Variants in ST8SIA3 observed in about 807,000 individuals in gnomAD.
The protein encoded by ST8SIA3 is ST8 alpha-N-acetyl-neuraminide alpha-2,8-sialyltransferase 3.
Under a neutral mutation model 34.5 loss-of-function variants are expected in ST8SIA3, and 17 were observed. The ratio of observed to expected loss-of-function variants is 0.49; its 90% CI spans 0.34 to 0.74. ST8SIA3 has a LOEUF of 0.74. Ranked by LOEUF, ST8SIA3 falls within the 30% of genes least tolerant of loss-of-function variation. The pLI, the probability that ST8SIA3 is intolerant of heterozygous loss-of-function variation, is 0.01. For synonymous variants in ST8SIA3, 172 were observed against 176.1 expected, an observed-to-expected ratio of 0.98 and a Z score of 0.19; for missense variants, 354 against 467.8, an observed-to-expected ratio of 0.76 and a Z score of 2.24.
rs954872723 is a variant in ST8SIA3 at position 57,362,515 on chromosome 18, A to G, written c.*2238A>G. 6.6e-6 allele frequency: 1 copy of G among 152,218 alleles called. No individual in the cohort carries two copies. The highest frequency in any genetic ancestry group is 1.5e-5 in the Non-Finnish European group (1 of 68,036). The allele number at this position is 152,218 out of a possible 1,614,324, so 9.4% of individuals were successfully genotyped here. A position where few individuals can be genotyped will look rare whatever the true frequency, so the allele number is the denominator to read the frequency against. ...TAGTGGACAATTTAAATTTTATCTCATCATAATGCCAAGGATTTTTGTTTG... is the reference window on the plus strand; with the variant it reads ...TAGTGGACAATTTAAATTTTATCTCGTCATAATGCCAAGGATTTTTGTTTG... On this transcript the variant is annotated 3_prime_UTR_variant, in exon 4 of 4. Coordinates refer to ENST00000324000, the MANE Select transcript of ST8SIA3 (RefSeq NM_015879.3).
chr18:57,354,365 G>C (rs1008253614), intron 1 of ST8SIA3, 37 bp from the exon 2 acceptor site: 1 of 1,612,710 alleles, frequency 6.2e-7, no homozygotes, highest in South Asian at 1.1e-5. Flanking sequence ...CCCGAGCTGA[G>C]GCCAGCACGC....
rs745314937 is a variant in ST8SIA3, at chr18:57,352,730, G to GCGCACACA, written c.-116_-115insGCACACAC. On this transcript the variant is annotated 5_prime_UTR_variant, in exon 1 of 4. Coordinates refer to ENST00000324000, the MANE Select transcript of ST8SIA3 (RefSeq NM_015879.3). The stretch of plus-strand genomic sequence containing the variant: ...CCCCTCCTCCGCCACACGCGCGCGC[G>GCGCACACA]CTCACACACACACACACACACACAC... 3 of 179,766 alleles carry GCGCACACA rather than the reference G, an allele frequency of 1.7e-5. No individual in the cohort carries two copies. Among genetic ancestry groups the GCGCACACA allele is most frequent in the Admixed American group, 8.1e-5 (1 of 12,382 alleles). 11.1% of individuals were successfully genotyped at this position (179,766 alleles called of 1,614,324 possible). A position where few individuals can be genotyped will look rare whatever the true frequency, so the allele number is the denominator to read the frequency against.
In ST8SIA3 at chr18:57,363,799, C is replaced by T. The variant is rs914166625; in HGVS notation, c.*3522C>T. ...CTGGAAATGAAGAGGCCTTCAGCTT[C>T]GCCAGTCTTGATTCTTGACTTTACA... On this transcript the variant is annotated 3_prime_UTR_variant, in exon 4 of 4. Coordinates refer to ENST00000324000, the MANE Select transcript of ST8SIA3 (RefSeq NM_015879.3). The T allele has an allele frequency of 2.0e-5, 3 of 152,332 alleles. No homozygotes were observed. Among genetic ancestry groups the T allele is most frequent in the East Asian group, 1.9e-4 (1 of 5,180 alleles). The allele number at this position is 152,332 out of a possible 1,614,324, so 9.4% of individuals were successfully genotyped here.
Position 57,357,438 on chromosome 18 carries a change from T to A in ST8SIA3, c.828T>A (p.Ala276=). ...GAGGTCAGTTAAAAGTCCAACTGGC[T>A]TGGCCGGGAAATATAATGCAACATG... The part of the protein sequence containing the change: ...EHRGQLKVQL[A]WPGNIMQHVN... Residue 276 remains alanine, a synonymous_variant, in exon 3 of 4, where the codon GCT becomes GCA. Transcript: ENST00000324000. 1 of 1,612,574 alleles carries A rather than the reference T, an allele frequency of 6.2e-7. No homozygotes were observed. Among genetic ancestry groups the A allele is most frequent in the South Asian group, 1.1e-5 (1 of 91,068 alleles).
At position 57,360,338 on chromosome 18, in the gene ST8SIA3, G is replaced by C; in HGVS notation, c.*61G>C. The C allele has an allele frequency of 2.0e-6, 3 of 1,497,760 alleles. No homozygotes were observed. The South Asian group carries it at 3.7e-5, about 19-fold the overall frequency. The allele number at this position is 1,497,760 out of a possible 1,614,324, so 92.8% of individuals were successfully genotyped here. On this transcript the variant is annotated 3_prime_UTR_variant, in exon 4 of 4. Coordinates refer to ENST00000324000, the MANE Select transcript of ST8SIA3 (RefSeq NM_015879.3). ...AAAGTGCCCCAAATCAAATTGAATA[G>C]CCTTCAGAATAGAACCCTAGAGAAT...
In ST8SIA3 at chr18:57,367,418, C is replaced by T. The variant is rs1483329248; in HGVS notation, c.*7141C>T. 1 of 152,610 alleles carries T rather than the reference C, an allele frequency of 6.6e-6. No homozygotes were observed. Among genetic ancestry groups the T allele is most frequent in the East Asian group, 1.9e-4 (1 of 5,192 alleles). The allele number at this position is 152,610 out of a possible 1,614,324, so 9.5% of individuals were successfully genotyped here. A position where few individuals can be genotyped will look rare whatever the true frequency, so the allele number is the denominator to read the frequency against. ...GTATTCCCAATACATTGCATGCAGC[C>T]TGAGCACAAGTATGCCTTCACCCTC... On this transcript the variant is annotated 3_prime_UTR_variant, in exon 4 of 4. Coordinates refer to ENST00000324000, the MANE Select transcript of ST8SIA3 (RefSeq NM_015879.3).
chr18:57,353,152 C>A, intron 1 of ST8SIA3, 127 bp downstream of exon 1: 1 of 851,002 alleles, frequency 1.2e-6, no homozygotes, highest in Non-Finnish European at 1.8e-6. Context: ...CTGCGCGGTC[C>A]TTCCACTCCT....
chr18:57,359,266 T>C (rs916522834), intron 3 of ST8SIA3, among the ~76,000 whole-genome samples: 3 of 152,204 alleles, frequency 2.0e-5, no homozygotes, highest in African/African-American at 4.8e-5. Flanking sequence ...ATTAATATTA[T>C]TTAAATATGG....
chr18:57,360,367 T>A lies in ST8SIA3; in HGVS notation c.*90T>A. The A allele has an allele frequency of 8.0e-7, 1 of 1,248,800 alleles. No homozygotes were observed. Among genetic ancestry groups the A allele is most frequent in the Non-Finnish European group, 1.1e-6 (1 of 911,132 alleles). The allele number at this position is 1,248,800 out of a possible 1,614,324, so 77.4% of individuals were successfully genotyped here. On this transcript the variant is annotated 3_prime_UTR_variant, in exon 4 of 4. Coordinates refer to ENST00000324000, the MANE Select transcript of ST8SIA3 (RefSeq NM_015879.3). ...TCAGAATAGAACCCTAGAGAATGTC[T>A]TATAAGGATTGTCTGCCATTTAAAA...
rs1021166085 is a variant in ST8SIA3 at position 57,361,873 on chromosome 18, G to C, written c.*1596G>C. 1 of 152,282 alleles carries C rather than the reference G, an allele frequency of 6.6e-6. No homozygotes were observed. Among genetic ancestry groups the C allele is most frequent in the Non-Finnish European group, 1.5e-5 (1 of 68,026 alleles). 9.4% of individuals were successfully genotyped at this position (152,282 alleles called of 1,614,324 possible). On this transcript the variant is annotated 3_prime_UTR_variant, in exon 4 of 4. Transcript: ENST00000324000. ...TGCGACAAATAACTGTTTAAAAAAT[G>C]TGCTGTAGTTCAGTGATGAGCTCAT...
chr18:57,360,533 T>C lies in ST8SIA3; in HGVS notation c.*256T>C. On this transcript the variant is annotated 3_prime_UTR_variant, in exon 4 of 4. Transcript: ENST00000324000. ...TGGGACTATGCTGCTAACGAAATGGTTTGAAGTATTTTCATGTTTGGATTT... is the reference window on the plus strand; with the variant it reads ...TGGGACTATGCTGCTAACGAAATGGCTTGAAGTATTTTCATGTTTGGATTT... 1 of 452,050 alleles carries C rather than the reference T, an allele frequency of 2.2e-6. No homozygotes were observed. Among genetic ancestry groups the C allele is most frequent in the Non-Finnish European group, 3.9e-6 (1 of 254,366 alleles). The allele number at this position is 452,050 out of a possible 1,614,324, so 28.0% of individuals were successfully genotyped here.
Position 57,365,325 on chromosome 18 carries a change from A to G in ST8SIA3, c.*5048A>G, listed in dbSNP as rs2049854597. ...TATCATGTTAAATGGCAATATAGAC[A>G]CAGTCTTAGTGATTCAACAATTCAG... On this transcript the variant is annotated 3_prime_UTR_variant, in exon 4 of 4. Coordinates refer to ENST00000324000, the MANE Select transcript of ST8SIA3 (RefSeq NM_015879.3). The G allele has an allele frequency of 6.6e-6, 1 of 152,232 alleles. No homozygotes were observed. Among genetic ancestry groups the G allele is most frequent in the Admixed American group, 6.5e-5 (1 of 15,284 alleles). 9.4% of individuals were successfully genotyped at this position (152,232 alleles called of 1,614,324 possible). A position where few individuals can be genotyped will look rare whatever the true frequency, so the allele number is the denominator to read the frequency against.
chr18:57,355,348 T>C (rs1311987291), intron 2 of ST8SIA3, among the ~76,000 whole-genome samples: 1 of 152,214 alleles, frequency 6.6e-6, no homozygotes, highest in Non-Finnish European at 1.5e-5. Flanking sequence ...GAAGTGTGAA[T>C]ACTTATTTTA....
At chr18:57,358,852 C>G (rs1409185846) in intron 3 of ST8SIA3, among the ~76,000 whole-genome samples, 2 of 152,178 alleles carry the variant, frequency 1.3e-5, no homozygotes, top group Non-Finnish European at 2.9e-5. Context: ...ATTTTGCTCC[C>G]CTTTTGTTCA....
At chr18:57,353,090 A>G in intron 1 of ST8SIA3, 65 bp downstream of exon 1, 1 of 1,555,328 alleles carries the variant, frequency 6.4e-7, no homozygotes, top group Non-Finnish European at 8.7e-7. Flanking sequence ...GGGGAAGGGA[A>G]GGCGTGGGGG....
chr18:57,360,678 G>A lies in ST8SIA3; in HGVS notation c.*401G>A, dbSNP rs751271400. The A allele has an allele frequency of 3.8e-4, 65 of 169,488 alleles. No homozygotes were observed. The highest frequency in any genetic ancestry group is 6.9e-4 in the Non-Finnish European group (54 of 78,782). 10.5% of individuals were successfully genotyped at this position (169,488 alleles called of 1,614,324 possible). On this transcript the variant is annotated 3_prime_UTR_variant, in exon 4 of 4. Transcript: ENST00000324000. ...CTGGGGCAGGACCTGTTTTGCTGGTGGGATCAGACTCTGAAAAATGGAAAC... is the reference window on the plus strand; with the variant it reads ...CTGGGGCAGGACCTGTTTTGCTGGTAGGATCAGACTCTGAAAAATGGAAAC...
intron 2 of ST8SIA3, among the ~76,000 whole-genome samples, chr18:57,356,390 A>G (rs1446281291): frequency 6.6e-6 from 1 of 152,080 alleles, no homozygotes; most frequent in African/African-American, 2.4e-5. Context: ...TGCTATTACC[A>G]TCTTCATATT....
intron 1 of ST8SIA3, among the ~76,000 whole-genome samples, chr18:57,353,886 G>A (rs1309668185): frequency 6.6e-6 from 1 of 152,220 alleles, no homozygotes; most frequent in Non-Finnish European, 1.5e-5. Flanking sequence ...GAGCGGAGTA[G>A]GCCGGCGGCC....
At position 57,365,926 on chromosome 18, in the gene ST8SIA3, A is replaced by G. The variant is rs1368667711; in HGVS notation, c.*5649A>G. ...TTCTGTGTGATTCTCAGACAGTTTT[A>G]GCTCTTTGGTGTGCTGCCAAATGTT... On this transcript the variant is annotated 3_prime_UTR_variant, in exon 4 of 4. Coordinates refer to ENST00000324000, the MANE Select transcript of ST8SIA3 (RefSeq NM_015879.3). The G allele has an allele frequency of 6.6e-6, 1 of 152,218 alleles. No homozygotes were observed. Among genetic ancestry groups the G allele is most frequent in the East Asian group, 1.9e-4 (1 of 5,190 alleles). 9.4% of individuals were successfully genotyped at this position (152,218 alleles called of 1,614,324 possible).
Sources: gnomAD v4.1 joint callset for allele counts (sites outside exome capture counted in the v4.1 genomes callset) on GRCh38, gnomAD v4.1.1 for gene constraint, MANE v1.5 for transcripts, NCBI Gene and HGNC (gene_info 2026-07-23, HGNC 2026-07-21) for gene names.